Variants in CCDC171 observed in about 807,000 individuals in gnomAD.
CCDC171 encodes the protein coiled-coil domain containing 171, also known as coiled-coil domain-containing protein 171.
A neutral mutation model predicts 168.2 loss-of-function variants in CCDC171; 177 were observed. The observed-to-expected ratio is 1.05, with a 90% CI of 0.93 to 1.19. The LOEUF (loss-of-function observed/expected upper bound fraction) is 1.19, where lower values mean the gene tolerates loss of function less well. Ranked by LOEUF, CCDC171 falls within the 50% of genes most tolerant of loss-of-function variation. CCDC171 has a pLI of 0.00. For synonymous variants in CCDC171, 687 were observed against 540.8 expected (o/e 1.27, Z -3.75); for missense variants, 1,991 against 1,539.0 (o/e 1.29, Z -4.91).
intron 16 of CCDC171, among the ~76,000 whole-genome samples, chr9:15,742,072 A>G (rs1240135451): frequency 1.6e-5 from 2 of 125,932 alleles, no homozygotes; most frequent in East Asian, 6.8e-4. Context: ...GTTTTCTGTA[A>G]TTTTCTTTTT....
intron 25 of CCDC171, among the ~76,000 whole-genome samples, chr9:15,928,980 C>T (rs1042860646): frequency 6.6e-6 from 1 of 151,432 alleles, no homozygotes; most frequent in African/African-American, 2.4e-5. Context: ...TGGTGACTAA[C>T]CCAAATCCTG....
At chr9:15,615,746 T>A (rs2044032222) in intron 6 of CCDC171, among the ~76,000 whole-genome samples, 1 of 151,874 alleles carries the variant, frequency 6.6e-6, no homozygotes, top group South Asian at 2.1e-4. Flanking sequence ...TGTTTCTACA[T>A]GATTTGTCAG....
At chr9:15,907,300 C>T (rs932379934) in intron 24 of CCDC171, among the ~76,000 whole-genome samples, 1 of 152,190 alleles carries the variant, frequency 6.6e-6, no homozygotes, top group African/African-American at 2.4e-5. Context: ...GTACTGATAC[C>T]AAAACAGATA....
chr9:15,964,001 C>T (rs4741553), intron 25 of CCDC171, among the ~76,000 whole-genome samples: 48,140 of 152,058 alleles, frequency 0.32, 9,520 homozygotes, highest in East Asian at 0.61. Flanking sequence ...CCTTTCTTCT[C>T]GCTAGAATGC....
At chr9:15,717,106 T>G (rs531477251) in intron 11 of CCDC171, among the ~76,000 whole-genome samples, 1 of 152,300 alleles carries the variant, frequency 6.6e-6, no homozygotes, top group African/African-American at 2.4e-5. Context: ...AAAGACAGTC[T>G]TGAATTGCTG....
chr9:15,617,875 G>A (rs183913128), intron 6 of CCDC171, among the ~76,000 whole-genome samples: 6 of 152,260 alleles, frequency 3.9e-5, no homozygotes, highest in Non-Finnish European at 8.8e-5. Flanking sequence ...TCCTTCCTCC[G>A]GAAGCTTTGT....
At chr9:15,740,738 C>G (rs1030597402) in intron 16 of CCDC171, among the ~76,000 whole-genome samples, 1 of 152,168 alleles carries the variant, frequency 6.6e-6, no homozygotes, top group African/African-American at 2.4e-5. Context: ...CCGTGCCCGG[C>G]CTTAATTAGA....
intron 22 of CCDC171, among the ~76,000 whole-genome samples, chr9:15,847,795 G>A (rs2060964603): frequency 6.6e-6 from 1 of 151,946 alleles, no homozygotes; most frequent in African/African-American, 2.4e-5. Flanking sequence ...ACAATCTTAG[G>A]ATATTCATAA....
At chr9:15,797,083 G>T (rs995079022) in intron 21 of CCDC171, among the ~76,000 whole-genome samples, 1 of 152,098 alleles carries the variant, frequency 6.6e-6, no homozygotes. Context: ...CTGTTATAAT[G>T]GGTGTATATG....
At chr9:15,674,370 C>G (rs1339210754) in intron 9 of CCDC171, among the ~76,000 whole-genome samples, 1 of 152,112 alleles carries the variant, frequency 6.6e-6, no homozygotes. Context: ...TTCAGTTCTG[C>G]TCTGATCTTA....
chr9:15,961,790 G>A (rs576991980), intron 25 of CCDC171, among the ~76,000 whole-genome samples: 12 of 152,000 alleles, frequency 7.9e-5, no homozygotes, highest in Middle Eastern at 3.4e-3. Context: ...AAAGTAAAAC[G>A]TACTTACTGT....
intron 1 of CCDC171, among the ~76,000 whole-genome samples, chr9:15,558,420 T>C (rs1167904785): frequency 6.6e-6 from 1 of 152,172 alleles, no homozygotes; most frequent in East Asian, 1.9e-4. Context: ...AACCTGTTAT[T>C]GGTCTTTTCA....
intron 24 of CCDC171, among the ~76,000 whole-genome samples, chr9:15,910,511 C>G (rs1202609674): frequency 6.6e-6 from 1 of 151,662 alleles, no homozygotes; most frequent in Non-Finnish European, 1.5e-5. Flanking sequence ...ATGTCTCTAG[C>G]TTTGTTCTTT....
intron 21 of CCDC171, among the ~76,000 whole-genome samples, chr9:15,800,795 CAA>C (rs1381710745): frequency 6.6e-6 from 1 of 151,710 alleles, no homozygotes; most frequent in Non-Finnish European, 1.5e-5. Flanking sequence ...TTGTGTATGA[CAA>C]GAGATAAGGG....
chr9:16,106,962 C>T, the CCDC171 span, among the ~76,000 whole-genome samples: 2 of 152,176 alleles, frequency 1.3e-5, no homozygotes, highest in East Asian at 3.9e-4. Context: ...GCTGCCTCTT[C>T]TGCCTCCCCT....
chr9:15,752,455 T>C (rs1016830838), intron 18 of CCDC171, among the ~76,000 whole-genome samples: 5 of 149,910 alleles, frequency 3.3e-5, no homozygotes, highest in Non-Finnish European at 5.9e-5. Flanking sequence ...TGCACACATA[T>C]GTTTATTGCG....
chr9:15,645,057 G>A lies in CCDC171; in HGVS notation c.823-12070G>A, dbSNP rs189363841. On this transcript the variant is annotated intron_variant, in intron 7 of 25. Transcript: ENST00000380701. The stretch of plus-strand genomic sequence containing the variant: ...TCTGTGACGAAGCTTCCAGAGGAAC[G>A]ATCAGGCAGCAACATTGGCTGTTCA... Among the ~76,000 whole-genome samples, 675 of 152,322 alleles carry A rather than the reference G, an allele frequency of 4.4e-3. 7 individuals are homozygous for A. Among genetic ancestry groups the A allele is most frequent in the African/African-American group, 0.015 (635 of 41,576 alleles).
intron 21 of CCDC171, among the ~76,000 whole-genome samples, chr9:15,839,134 A>G (rs1013826279): frequency 6.6e-6 from 1 of 152,180 alleles, no homozygotes; most frequent in African/African-American, 2.4e-5. Flanking sequence ...ACATTTAATA[A>G]GTGATGACAG....
rs528470407 is a variant in CCDC171 at position 15,947,822 on chromosome 9, T to A, written c.3754-23787T>A. On this transcript the variant is annotated intron_variant, in intron 25 of 25. Transcript: ENST00000380701. The stretch of plus-strand genomic sequence containing the variant: ...GCTTCCATATTTTTTTTAATTTTTT[T>A]ATTTTTTTTTAATTTATTATTATTT... Among the ~76,000 whole-genome samples, 234 of 150,400 alleles carry A rather than the reference T, an allele frequency of 1.6e-3. 2 individuals carry two copies. Among genetic ancestry groups the A allele is most frequent in the African/African-American group, 4.9e-3 (200 of 40,602 alleles).
Sources: gnomAD v4.1 joint callset for allele counts (sites outside exome capture counted in the v4.1 genomes callset) on GRCh38, gnomAD v4.1.1 for gene constraint, MANE v1.5 for transcripts, NCBI Gene and HGNC (gene_info 2026-07-23, HGNC 2026-07-21) for gene names.